Variants in MYT1L observed in about 807,000 individuals in gnomAD.
The protein encoded by MYT1L is myelin transcription factor 1-like protein.
MYT1L carries 12 observed loss-of-function variants against 126.7 expected under a neutral mutation model. The ratio of observed to expected loss-of-function variants is 0.09; its 90% CI spans 0.06 to 0.15. The LOEUF (loss-of-function observed/expected upper bound fraction) is 0.15. Among genes scored for constraint, MYT1L ranks in the 10% least tolerant of loss-of-function variants. The pLI, the probability that MYT1L is intolerant of heterozygous loss-of-function variation, is 1.00. For missense variants in MYT1L, 979 were observed against 1,585.2 expected, an observed-to-expected ratio of 0.62 and a Z score of 6.49; for synonymous variants, 541 against 604.2, an observed-to-expected ratio of 0.90 and a Z score of 1.53.
chr2:2,303,077 C>A (rs2095808067), intron 1 of MYT1L, among the ~76,000 whole-genome samples: 1 of 152,054 alleles, frequency 6.6e-6, no homozygotes, highest in Admixed American at 6.6e-5. Context: ...GGAAAAAAAA[C>A]AACAAGAATA....
intron 13 of MYT1L, among the ~76,000 whole-genome samples, chr2:1,903,682 C>T (rs1045140573): frequency 3.3e-5 from 5 of 151,804 alleles, no homozygotes; most frequent in African/African-American, 9.7e-5. Context: ...GATGTTGCCT[C>T]GATAAAAAAT....
intron 2 of MYT1L, among the ~76,000 whole-genome samples, chr2:2,249,728 G>A (rs1355790007): frequency 6.6e-6 from 1 of 152,012 alleles, no homozygotes; most frequent in Non-Finnish European, 1.5e-5. Flanking sequence ...AATCAACAAA[G>A]TGAAGAGACA....
intron 8 of MYT1L, among the ~76,000 whole-genome samples, chr2:1,944,706 A>T (rs1006686840): frequency 1.9e-4 from 29 of 152,216 alleles, no homozygotes; most frequent in African/African-American, 7.0e-4. Context: ...AGTGGCACAG[A>T]TCTTCACACC....
At chr2:2,082,557 A>T (rs779160658) in intron 3 of MYT1L, among the ~76,000 whole-genome samples, 14 of 152,204 alleles carry the variant, frequency 9.2e-5, no homozygotes, top group Non-Finnish European at 1.9e-4. Context: ...AATGTGGCAT[A>T]TAACATTGTA....
chr2:1,847,128 G>A (rs1426217355), intron 19 of MYT1L, among the ~76,000 whole-genome samples: 1 of 152,202 alleles, frequency 6.6e-6, no homozygotes, highest in South Asian at 2.1e-4. Context: ...AAAGAGCAGA[G>A]TGGAAGTGCT....
chr2:2,077,364 A>C (rs1413642887), intron 3 of MYT1L, among the ~76,000 whole-genome samples: 1 of 152,242 alleles, frequency 6.6e-6, no homozygotes, highest in Non-Finnish European at 1.5e-5. Context: ...TCAATGTAGA[A>C]TATACATAAA....
At chr2:2,196,681 C>A (rs997215659) in intron 2 of MYT1L, among the ~76,000 whole-genome samples, 3 of 151,538 alleles carry the variant, frequency 2.0e-5, no homozygotes, top group African/African-American at 4.8e-5. Context: ...GTAAAACTAC[C>A]CTTGATATTA....
Position 1,883,271 on chromosome 2 carries a change from C to T in MYT1L, c.2711+3268G>A, listed in dbSNP as rs79046487. ...CTCTTAAGAGCCAATTCTCTGTGAT[C>T]GAAATGAGTTTGTATTTGGCTCACA... is the stretch of plus-strand genomic sequence containing the variant. On this transcript the variant is annotated intron_variant, in intron 18 of 24. Transcript: ENST00000647738. Among the ~76,000 whole-genome samples the T allele has an allele frequency of 3.1e-3, 474 of 152,280 alleles. 5 individuals are homozygous for T. Among genetic ancestry groups the T allele is most frequent in the African/African-American group, 0.011 (452 of 41,554 alleles).
At chr2:1,900,767 G>C (rs1474728569) in intron 14 of MYT1L, among the ~76,000 whole-genome samples, 1 of 152,184 alleles carries the variant, frequency 6.6e-6, no homozygotes, top group Admixed American at 6.5e-5. Context: ...TGTGGCGAGA[G>C]GCTGCATTTC....
At chr2:2,190,204 C>T (rs2092502503) in intron 2 of MYT1L, among the ~76,000 whole-genome samples, 3 of 152,182 alleles carry the variant, frequency 2.0e-5, no homozygotes, top group Admixed American at 2.0e-4. Flanking sequence ...TGCCTGTAGT[C>T]CCAGCACTCT....
intron 3 of MYT1L, among the ~76,000 whole-genome samples, chr2:2,091,384 G>C (rs953428932): frequency 3.9e-5 from 6 of 152,050 alleles, no homozygotes; most frequent in Non-Finnish European, 5.9e-5. Context: ...TTTTTTTTCT[G>C]AGCAGTAGGT....
At chr2:1,971,723 T>G (rs1353050458) in intron 8 of MYT1L, among the ~76,000 whole-genome samples, 4 of 152,064 alleles carry the variant, frequency 2.6e-5, no homozygotes, top group African/African-American at 7.2e-5. Flanking sequence ...AGAGCGAGAC[T>G]CCATCTCAAA....
chr2:1,813,975 C>A (rs1271456714), intron 21 of MYT1L, among the ~76,000 whole-genome samples: 1 of 134,616 alleles, frequency 7.4e-6, no homozygotes, highest in Non-Finnish European at 1.6e-5. Context: ...TGCAGTGAGC[C>A]GAGATCGCGC....
intron 21 of MYT1L, chr2:1,810,146 T>TTG (rs2036364760): frequency 8.4e-6 from 1 of 119,392 alleles, no homozygotes. Context: ...TTTTTTTTTT[T>TTG]GAGAGGGTCT....
intron 22 of MYT1L, among the ~76,000 whole-genome samples, chr2:1,805,341 C>A (rs114821180): frequency 2.3e-3 from 354 of 152,298 alleles, no homozygotes; most frequent in African/African-American, 7.6e-3. Context: ...CAGTGGATTC[C>A]GGTGGCTTCT....
chr2:2,060,721 C>A (rs1490126630), intron 3 of MYT1L, among the ~76,000 whole-genome samples: 1 of 121,554 alleles, frequency 8.2e-6, no homozygotes, highest in East Asian at 3.0e-4. Context: ...TCCCTCCCCC[C>A]TCCCTTCCTT....
At chr2:1,850,531 G>A (rs768854828) in intron 19 of MYT1L, among the ~76,000 whole-genome samples, 12 of 152,038 alleles carry the variant, frequency 7.9e-5, no homozygotes, top group Non-Finnish European at 5.9e-5. Flanking sequence ...TAGTGGATTC[G>A]CCTTTGTGTG....
At chr2:2,000,418 G>C (rs1188838755) in intron 4 of MYT1L, among the ~76,000 whole-genome samples, 1 of 152,202 alleles carries the variant, frequency 6.6e-6, no homozygotes, top group African/African-American at 2.4e-5. Flanking sequence ...GACCTAATTT[G>C]TTTCTGTTTA....
chr2:2,270,324 T>G (rs1264404500), intron 2 of MYT1L, among the ~76,000 whole-genome samples: 1 of 152,228 alleles, frequency 6.6e-6, no homozygotes, highest in Non-Finnish European at 1.5e-5. Context: ...ACAATGTTTG[T>G]AGACAGCAAT....
Sources: gnomAD v4.1 joint callset for allele counts (sites outside exome capture counted in the v4.1 genomes callset) on GRCh38, gnomAD v4.1.1 for gene constraint, MANE v1.5 for transcripts, NCBI Gene and HGNC (gene_info 2026-07-23, HGNC 2026-07-21) for gene names.